The following COL13A1 variants were observed in gnomAD, a reference collection of about 807,000 sequenced individuals.
COL13A1 encodes the protein collagen alpha-1(XIII) chain.
COL13A1 carries 89 observed loss-of-function variants against 130.9 expected under a neutral mutation model. That is an observed-to-expected ratio of 0.68 (90% confidence interval 0.57 to 0.81). The LOEUF (loss-of-function observed/expected upper bound fraction) is 0.81. Among genes scored for constraint, COL13A1 ranks in the 30% least tolerant of loss-of-function variants. The pLI is 0.00. For synonymous variants in COL13A1, 402 were observed against 341.6 expected, an observed-to-expected ratio of 1.18 and a Z score of -1.95; for missense variants, 879 against 934.6, an observed-to-expected ratio of 0.94 and a Z score of 0.78.
Position 69,952,899 on chromosome 10 carries a change from A to G in COL13A1, c.2076A>G (p.Lys692=). Residue 692 remains lysine (K), a synonymous_variant, in exon 39 of 41, where the codon AAA becomes AAG. Transcript: ENST00000645393. ...DKGNRGERGK[K]GSRGPKGDKG... is the part of the protein sequence containing the mutation. ...ATTTACAGGGGGAGAGGGGGAAGAA[A>G]GGCTCTAGAGGGCCTAAAGGGGATA... 6.4e-7 allele frequency: 1 copy of G among 1,551,834 alleles called. No homozygotes were observed. The highest frequency in any genetic ancestry group is 8.6e-7 in the Non-Finnish European group (1 of 1,158,400).
intron 2 of COL13A1, among the ~76,000 whole-genome samples, chr10:69,848,056 G>A (rs10998998): frequency 0.44 from 66,920 of 152,062 alleles, 16,118 homozygotes; most frequent in East Asian, 0.79. Flanking sequence ...GGGTTGTCTG[G>A]CCAGATGGAG....
chr10:69,836,445 A>C (rs1341502900), intron 2 of COL13A1, among the ~76,000 whole-genome samples: 1 of 152,202 alleles, frequency 6.6e-6, no homozygotes, highest in African/African-American at 2.4e-5. Context: ...CCCAGAGCTC[A>C]GCTGACTCGG....
intron 38 of COL13A1, among the ~76,000 whole-genome samples, chr10:69,947,621 TC>T (rs1192189567): frequency 6.6e-6 from 1 of 152,082 alleles, no homozygotes; most frequent in Non-Finnish European, 1.5e-5. Context: ...GATCCATGTG[TC>T]CAGCTCTTTC....
At chr10:69,924,904 A>T in intron 24 of COL13A1, 59 bp from the exon 25 acceptor site, 2 of 1,498,662 alleles carry the variant, frequency 1.3e-6, no homozygotes, top group South Asian at 2.7e-5. Flanking sequence ...CCATCTAGGG[A>T]CATCAGGCTC....
intron 2 of COL13A1, among the ~76,000 whole-genome samples, chr10:69,838,184 C>T (rs529997489): frequency 2.6e-5 from 4 of 152,340 alleles, no homozygotes; most frequent in East Asian, 3.9e-4. Flanking sequence ...TGTGCCTTCC[C>T]GGTCCCACTT....
intron 17 of COL13A1, among the ~76,000 whole-genome samples, chr10:69,916,447 C>G (rs1814505422): frequency 6.6e-6 from 1 of 152,206 alleles, no homozygotes; most frequent in Admixed American, 6.5e-5. Context: ...CTGCCCTCCC[C>G]ACTCCCCTGA....
intron 2 of COL13A1, among the ~76,000 whole-genome samples, chr10:69,859,924 G>T (rs1325065808): frequency 2.6e-5 from 4 of 152,220 alleles, no homozygotes; most frequent in African/African-American, 9.6e-5. Context: ...AATGGGAAAA[G>T]GTAAAACAAA....
chr10:69,886,675 T>A (rs969765184), intron 7 of COL13A1, among the ~76,000 whole-genome samples: 2 of 152,172 alleles, frequency 1.3e-5, no homozygotes, highest in Non-Finnish European at 2.9e-5. Context: ...TAGCTCTCCA[T>A]CACCCCTGAC....
chr10:69,898,867 T>C, intron 14 of COL13A1, 105 bp downstream of exon 14: 4 of 869,922 alleles, frequency 4.6e-6, no homozygotes, highest in Non-Finnish European at 6.9e-6. Flanking sequence ...TTCAGTGAAA[T>C]TAAATCAGAC....
At chr10:69,942,994 C>T (rs947173149) in intron 35 of COL13A1, among the ~76,000 whole-genome samples, 1 of 152,176 alleles carries the variant, frequency 6.6e-6, no homozygotes, top group Non-Finnish European at 1.5e-5. Flanking sequence ...ATTACAGGCA[C>T]CCACCACCAT....
intron 3 of COL13A1, 90 bp downstream of exon 3, chr10:69,867,895 G>T: frequency 1.4e-6 from 1 of 712,808 alleles, no homozygotes; most frequent in Non-Finnish European, 2.6e-6. Context: ...TGAAAGCTGG[G>T]CCCCTGCTGT....
chr10:69,889,559 G>A, intron 10 of COL13A1, 119 bp downstream of exon 10: 3 of 1,291,134 alleles, frequency 2.3e-6, no homozygotes, highest in Admixed American at 2.0e-5. Flanking sequence ...GTCCATGCTG[G>A]TCACTCCCCA....
chr10:69,904,826 C>G, intron 15 of COL13A1, 107 bp from the exon 16 acceptor site: 1 of 1,190,252 alleles, frequency 8.4e-7, no homozygotes, highest in Non-Finnish European at 1.2e-6. Context: ...CTTGCCATAG[C>G]TATTGGGAGC....
intron 38 of COL13A1, among the ~76,000 whole-genome samples, chr10:69,947,625 G>C (rs572251883): frequency 6.6e-6 from 1 of 152,092 alleles, no homozygotes; most frequent in African/African-American, 2.4e-5. Flanking sequence ...CATGTGTCCA[G>C]CTCTTTCTAG....
At chr10:69,939,336 G>A (rs1430044124) in intron 34 of COL13A1, among the ~76,000 whole-genome samples, 2 of 152,134 alleles carry the variant, frequency 1.3e-5, no homozygotes, top group East Asian at 1.9e-4. Flanking sequence ...TTAAACATCT[G>A]GTGTTTTATG....
chr10:69,859,556 T>G (rs1367551581), intron 2 of COL13A1, among the ~76,000 whole-genome samples: 1 of 152,206 alleles, frequency 6.6e-6, no homozygotes, highest in Non-Finnish European at 1.5e-5. Flanking sequence ...ACTGGCGAGA[T>G]CCGGTGTCAG....
intron 17 of COL13A1, among the ~76,000 whole-genome samples, chr10:69,907,929 G>A (rs546966196): frequency 3.9e-5 from 6 of 152,354 alleles, no homozygotes; most frequent in African/African-American, 1.4e-4. Flanking sequence ...CAACACTGTT[G>A]CATTGGGGAT....
At chr10:69,875,416 G>T (rs1015200119) in intron 5 of COL13A1, among the ~76,000 whole-genome samples, 4 of 152,208 alleles carry the variant, frequency 2.6e-5, no homozygotes, top group African/African-American at 7.2e-5. Context: ...ACCTAATAAA[G>T]TTGCATGAAC....
chr10:69,947,222 G>A, intron 37 of COL13A1, 85 bp from the exon 38 acceptor site: 4 of 1,201,760 alleles, frequency 3.3e-6, no homozygotes, highest in Non-Finnish European at 4.9e-6. Flanking sequence ...GGCATTGGGA[G>A]AGTTTGATGA....
Sources: gnomAD v4.1 joint callset for allele counts (sites outside exome capture counted in the v4.1 genomes callset) on GRCh38, gnomAD v4.1.1 for gene constraint, MANE v1.5 for transcripts, NCBI Gene and HGNC (gene_info 2026-07-23, HGNC 2026-07-21) for gene names.